ZBTB12: variants seen among roughly 807,000 people sequenced by gnomAD.
ZBTB12 encodes zinc finger and BTB domain containing 12, also known as zinc finger and BTB domain-containing protein 12.
ZBTB12 carries 1 observed loss-of-function variant against 6.4 expected under a neutral mutation model. The ratio of observed to expected loss-of-function variants is 0.16; its 90% CI spans 0.06 to 0.74. ZBTB12 has a LOEUF of 0.74. Among genes scored for constraint, ZBTB12 ranks in the 30% least tolerant of loss-of-function variants. The pLI, the probability that ZBTB12 is intolerant of heterozygous loss-of-function variation, is 0.78. For synonymous variants in ZBTB12, 273 were observed against 262.5 expected (o/e 1.04, Z -0.39); for missense variants, 344 against 613.9 (o/e 0.56, Z 4.65).
At position 31,901,850 on chromosome 6, in the gene ZBTB12, G is replaced by C. The variant is rs1284296957; in HGVS notation, c.-34C>G. On this transcript the variant is annotated 5_prime_UTR_variant, in exon 1 of 2. Coordinates refer to ENST00000375527, the MANE Select transcript of ZBTB12 (RefSeq NM_181842.3). ...CGCTCCTCTCACCTGGCCCGGTTCC[G>C]CGCGCTGTTTTTTTAATCCCTTATT... 6 of 147,692 alleles carry C rather than the reference G, an allele frequency of 4.1e-5. No individual in the cohort carries two copies. Among genetic ancestry groups the C allele is most frequent in the Non-Finnish European group, 1.5e-5 (1 of 66,810 alleles). 9.1% of individuals were successfully genotyped at this position (147,692 alleles called of 1,614,324 possible).
rs1301495133 is a variant in ZBTB12, at chr6:31,900,684, T to C, written c.622A>G (p.Ile208Val). The C allele has an allele frequency of 6.2e-7, 1 of 1,611,630 alleles. No individual in the cohort carries two copies. Among genetic ancestry groups the C allele is most frequent in the Non-Finnish European group, 8.5e-7 (1 of 1,179,342 alleles). The change falls in exon 2 of 2, where the codon ATC becomes GTC. Residue 208 changes from isoleucine to valine, a missense_variant. This residue lies in a region of ZBTB12 where 241 missense variants were observed against 315.4 expected (regional missense o/e 0.76). Transcript: ENST00000375527. The surrounding 1 kb of genome is among the most constrained non-coding windows in gnomAD (Gnocchi z 9.7). ...DEDEDEDVSD[I>V]CIVKVESALE... The stretch of plus-strand genomic sequence containing the variant: ...GCCGACTCCACCTTGACGATGCAGA[T>C]GTCAGACACGTCCTCATCCTCATCC...
At position 31,899,772 on chromosome 6, in the gene ZBTB12, A is replaced by C; in HGVS notation, c.*154T>G. On this transcript the variant is annotated 3_prime_UTR_variant, in exon 2 of 2. Transcript: ENST00000375527. ...TCTCAAGAGCAAGTCTCTCCAAGGA[A>C]TCATCTTCCCTCTCTCAGGATGTGT... is the stretch of plus-strand genomic sequence containing the variant. 26 of 761,588 alleles carry C rather than the reference A, an allele frequency of 3.4e-5. No homozygotes were observed. The highest frequency in any genetic ancestry group is 4.9e-5 in the Non-Finnish European group (24 of 485,518). 47.2% of individuals were successfully genotyped at this position (761,588 alleles called of 1,614,324 possible).
rs1362657365 is a variant in ZBTB12 at position 31,900,922 on chromosome 6, C to G, written c.384G>C (p.Glu128Asp). Residue 128 changes from glutamate (E) to aspartate (D), a missense_variant, in exon 2 of 2, where the codon GAG (glutamate) becomes GAC (aspartate). By Grantham distance (45) the Glu-to-Asp change is conservative (BLOSUM62 2). Around this residue, in one of 5 missense-constraint regions of ZBTB12, gnomAD observed 241 missense variants for 315.4 expected, o/e 0.76. Transcript: ENST00000375527. The surrounding 1 kb of genome is among the most constrained non-coding windows in gnomAD (Gnocchi z 9.7). Reference protein sequence around the residue: ...KCRNALSQFIEPKIGLKEDGV... With the variant: ...KCRNALSQFIDPKIGLKEDGV... ...CATCCTCTTTGAGGCCTATTTTGGG[C>G]TCAATGAACTGGCTGAGGGCATTCC... 6 of 1,614,202 alleles carry G rather than the reference C, an allele frequency of 3.7e-6. No homozygotes were observed. The highest frequency in any genetic ancestry group is 1.7e-5 in the Admixed American group (1 of 60,020).
rs1767064725 is a variant in ZBTB12, at chr6:31,899,872, C to T, written c.*54G>A. The T allele has an allele frequency of 3.4e-5, 51 of 1,505,550 alleles. No homozygotes were observed. Among genetic ancestry groups the T allele is most frequent in the Non-Finnish European group, 4.2e-5 (48 of 1,131,658 alleles). The allele number at this position is 1,505,550 out of a possible 1,614,324, so 93.3% of individuals were successfully genotyped here. ...CCCCAATTCTCCTGGGCCAAAGAGC[C>T]CTTTTTCCACGCAGCCCAGGGGCCC... On this transcript the variant is annotated 3_prime_UTR_variant, in exon 2 of 2. Transcript: ENST00000375527.
rs755332433 is a variant in ZBTB12, at chr6:31,901,192, C to T, written c.114G>A (p.Val38=). 6.2e-7 allele frequency: 1 copy of T among 1,613,482 alleles called. No individual in the cohort carries two copies. The highest frequency in any genetic ancestry group is 1.7e-5 in the Admixed American group (1 of 60,020). Reference sequence around the variant, plus strand: ...GGCCTCGAAACTTGAGGCTGTCGGCCACAATGGTCACGTCGCAGAACCGCT... The same window carrying T: ...GGCCTCGAAACTTGAGGCTGTCGGCTACAATGGTCACGTCGCAGAACCGCT... ...AEERFCDVTI[V]ADSLKFRGHK... The change falls in exon 2 of 2, where the codon GTG becomes GTA. Residue 38 remains valine (V), a synonymous_variant. Coordinates refer to ENST00000375527, the MANE Select transcript of ZBTB12 (RefSeq NM_181842.3).
chr6:31,900,388 C>A lies in ZBTB12; in HGVS notation c.918G>T (p.Gly306=). The A allele has an allele frequency of 6.5e-7, 1 of 1,544,714 alleles. No individual in the cohort carries two copies. The highest frequency in any genetic ancestry group is 8.7e-7 in the Non-Finnish European group (1 of 1,144,914). The part of the protein sequence containing the change: ...EAAAVAMAAR[G]AGGSLGAGGS... ...CCCCCGCCCCCAGGCTGCCCCCCGC[C>A]CCCCGGGCAGCCATGGCCACCGCTG... Residue 306 remains glycine, a synonymous_variant, in exon 2 of 2, where the codon GGG becomes GGT. Coordinates refer to ENST00000375527, the MANE Select transcript of ZBTB12 (RefSeq NM_181842.3). The surrounding 1 kb of genome is among the most constrained non-coding windows in gnomAD (Gnocchi z 9.7).
intron 1 of ZBTB12, 82 bp from the exon 2 acceptor site, chr6:31,901,407 GC>G: frequency 7.7e-7 from 1 of 1,293,168 alleles, no homozygotes; most frequent in Non-Finnish European, 1.0e-6. Context: ...CCCCATTCTT[GC>G]CCAGCCCCCC....
In ZBTB12 at chr6:31,900,142, C is replaced by T. The variant is rs1767088476; in HGVS notation, c.1164G>A (p.Ser388=). ...MNVHRGVKSH[S]CGICGKCFTQ... ...TGAAGCACTTGCCGCAGATGCCGCA[C>T]GAGTGTGACTTGACACCACGATGCA... Residue 388 remains serine, a synonymous_variant, in exon 2 of 2, where the codon TCG becomes TCA. Transcript: ENST00000375527. The surrounding 1 kb of genome is among the most constrained non-coding windows in gnomAD (Gnocchi z 9.7). 3 of 1,614,138 alleles carry T rather than the reference C, an allele frequency of 1.9e-6. No homozygotes were observed. The highest frequency in any genetic ancestry group is 1.3e-5 in the African/African-American group (1 of 75,058).
rs1399638643 is a variant in ZBTB12, at chr6:31,899,628, T to C, written c.*298A>G. 1.5e-5 allele frequency: 5 copies of C among 341,324 alleles called. No individual in the cohort carries two copies. Among genetic ancestry groups the C allele is most frequent in the Non-Finnish European group, 2.7e-5 (5 of 187,470 alleles). The allele number at this position is 341,324 out of a possible 1,614,324, so 21.1% of individuals were successfully genotyped here. On this transcript the variant is annotated 3_prime_UTR_variant, in exon 2 of 2. Transcript: ENST00000375527. ...AACATTTTTGTCTTCCCTCATTCTA[T>C]AGGACCCTTTTCCCTCCCTCCACAT...
chr6:31,901,668 C>T (rs895072482), intron 1 of ZBTB12, among the ~76,000 whole-genome samples, 169 bp downstream of exon 1: 2 of 151,370 alleles, frequency 1.3e-5, no homozygotes. Context: ...TCTCACCCCG[C>T]CCCCTTTACC....
At position 31,899,744 on chromosome 6, in the gene ZBTB12, C is replaced by T. The variant is rs1581989134; in HGVS notation, c.*182G>A. On this transcript the variant is annotated 3_prime_UTR_variant, in exon 2 of 2. Coordinates refer to ENST00000375527, the MANE Select transcript of ZBTB12 (RefSeq NM_181842.3). The stretch of plus-strand genomic sequence containing the variant: ...CCCTTTTCCCAGCTCCAGATTCTTG[C>T]ACTCTCAAGAGCAAGTCTCTCCAAG... The T allele has an allele frequency of 1.5e-6, 1 of 651,272 alleles. No individual in the cohort carries two copies. The highest frequency in any genetic ancestry group is 2.5e-6 in the Non-Finnish European group (1 of 396,074). The allele number at this position is 651,272 out of a possible 1,614,324, so 40.3% of individuals were successfully genotyped here. A position where few individuals can be genotyped will look rare whatever the true frequency, so the allele number is the denominator to read the frequency against.
In ZBTB12 at chr6:31,901,237, C is replaced by G. The variant is rs747092412; in HGVS notation, c.69G>C (p.Met23Ile). 4 of 1,613,442 alleles carry G rather than the reference C, an allele frequency of 2.5e-6. No homozygotes were observed. In the Admixed American group the frequency reaches 6.7e-5, roughly 27 times the overall value. ...ACCGCTCCTCTGCCCGGAGCTGGTTCATGTTCCGTAGCGTTGCGGCCTCGT... is the reference window on the plus strand; with the variant it reads ...ACCGCTCCTCTGCCCGGAGCTGGTTGATGTTCCGTAGCGTTGCGGCCTCGT... ...PGHEAATLRNMNQLRAEERFC... is the reference protein window; with the variant it reads ...PGHEAATLRNINQLRAEERFC... Residue 23 changes from methionine (M) to isoleucine (I), a missense_variant, in exon 2 of 2, where the codon ATG becomes ATC. Met to Ile is a conservative substitution (Grantham distance 10). Transcript: ENST00000375527.
In ZBTB12 at chr6:31,900,783, G is replaced by C. The variant is rs1274597285; in HGVS notation, c.523C>G (p.Pro175Ala). 3.1e-6 allele frequency: 5 copies of C among 1,591,010 alleles called. No homozygotes were observed. Among genetic ancestry groups the C allele is most frequent in the Non-Finnish European group, 4.3e-6 (5 of 1,166,808 alleles). The change falls in exon 2 of 2, where the codon CCA becomes GCA. Residue 175 changes from proline (P) to alanine (A), a missense_variant. By Grantham distance (27) the Pro-to-Ala change is conservative. Around this residue, in one of 5 missense-constraint regions of ZBTB12, gnomAD observed 241 missense variants for 315.4 expected, o/e 0.76. Coordinates refer to ENST00000375527, the MANE Select transcript of ZBTB12 (RefSeq NM_181842.3). This position sits in a 1 kb window ranked among gnomAD's most constrained non-coding sequence, Gnocchi z 9.7. Reference sequence around the variant, plus strand: ...TCCAGCTTCACTGGCCGCAGGAGTGGAGGGGGTAGAGGAGGTGGGGGTGGG... The same window carrying C: ...TCCAGCTTCACTGGCCGCAGGAGTGCAGGGGGTAGAGGAGGTGGGGGTGGG... ...KPPPPPPLPP[P>A]LLRPVKLEFP...
intron 1 of ZBTB12, 38 bp from the exon 2 acceptor site, chr6:31,901,363 T>C: frequency 3.9e-6 from 6 of 1,529,422 alleles, no homozygotes; most frequent in Non-Finnish European, 5.3e-6. Flanking sequence ...CAAAGGTCTC[T>C]GGCTCTCCGA....
chr6:31,899,733 CCA>C lies in ZBTB12; in HGVS notation c.*191_*192del. ...GCCTCCAAGAACCCTTTTCCCAGCTCCAGATTCTTGCACTCTCAAGAGCAAGT... is the reference window on the plus strand; with the variant it reads ...GCCTCCAAGAACCCTTTTCCCAGCTCGATTCTTGCACTCTCAAGAGCAAGT... On this transcript the variant is annotated 3_prime_UTR_variant, in exon 2 of 2. Transcript: ENST00000375527. The C allele has an allele frequency of 1.6e-6, 1 of 617,014 alleles. No homozygotes were observed. Among genetic ancestry groups the C allele is most frequent in the South Asian group, 2.5e-5 (1 of 40,008 alleles). 38.2% of individuals were successfully genotyped at this position (617,014 alleles called of 1,614,324 possible). A position where few individuals can be genotyped will look rare whatever the true frequency, so the allele number is the denominator to read the frequency against.
In ZBTB12 at chr6:31,900,142, C is replaced by G; in HGVS notation, c.1164G>C (p.Ser388=). Residue 388 remains serine (S), a synonymous_variant, in exon 2 of 2, where the codon TCG becomes TCC. Transcript: ENST00000375527. This position sits in a 1 kb window ranked among gnomAD's most constrained non-coding sequence, Gnocchi z 9.7. ...MNVHRGVKSH[S]CGICGKCFTQ... is the part of the protein sequence containing the mutation. ...TGAAGCACTTGCCGCAGATGCCGCACGAGTGTGACTTGACACCACGATGCA... is the reference window on the plus strand; with the variant it reads ...TGAAGCACTTGCCGCAGATGCCGCAGGAGTGTGACTTGACACCACGATGCA... 6.2e-7 allele frequency: 1 copy of G among 1,614,138 alleles called. No individual in the cohort carries two copies. Among genetic ancestry groups the G allele is most frequent in the Non-Finnish European group, 8.5e-7 (1 of 1,179,980 alleles).
chr6:31,900,940 G>A lies in ZBTB12; in HGVS notation c.366C>T (p.Ala122=). The A allele has an allele frequency of 1.2e-6, 2 of 1,614,190 alleles. No homozygotes were observed. Among genetic ancestry groups the A allele is most frequent in the East Asian group, 2.2e-5 (1 of 44,892 alleles). The change falls in exon 2 of 2, where the codon GCC becomes GCT. Residue 122 remains alanine, a synonymous_variant. Transcript: ENST00000375527. This position sits in a 1 kb window ranked among gnomAD's most constrained non-coding sequence, Gnocchi z 9.7. ...TTTTGGGCTCAATGAACTGGCTGAG[G>A]GCATTCCGGCATTTCTCCACCACGT... ...MEHVVEKCRN[A]LSQFIEPKIG... is the part of the protein sequence containing the mutation.
rs45462992 is a variant in ZBTB12, at chr6:31,901,345, G to A, written c.-20-20C>T. ...GCAACCCTGGTTGGGAAGGAAACCG[G>A]TCAGAGACAAAGGTCTCTGGCTCTC... On this transcript the variant is annotated intron_variant, in intron 1 of 1. Coordinates refer to ENST00000375527, the MANE Select transcript of ZBTB12 (RefSeq NM_181842.3). 37,896 of 1,574,808 alleles carry A rather than the reference G, an allele frequency of 0.024. 606 individuals carry two copies. Among genetic ancestry groups the A allele is most frequent in the Non-Finnish European group, 0.03 (34,622 of 1,158,642 alleles).
In ZBTB12 at chr6:31,900,474, G is replaced by C; in HGVS notation, c.832C>G (p.Leu278Val). 1 of 1,601,938 alleles carries C rather than the reference G, an allele frequency of 6.2e-7. No homozygotes were observed. The highest frequency in any genetic ancestry group is 1.3e-5 in the African/African-American group (1 of 74,734). Residue 278 changes from leucine (L) to valine (V), a missense_variant, in exon 2 of 2, where the codon CTG becomes GTG. By Grantham distance (32) the Leu-to-Val change is conservative (BLOSUM62 1). This residue lies in a region of ZBTB12 where 241 missense variants were observed against 315.4 expected (regional missense o/e 0.76). Coordinates refer to ENST00000375527, the MANE Select transcript of ZBTB12 (RefSeq NM_181842.3). The surrounding 1 kb of genome is among the most constrained non-coding windows in gnomAD (Gnocchi z 9.7). ...GCCCGGCCTCCGGGAATCAACAGCAGGCCCTCCCCTTCTGCATCTTCCGAC... is the reference window on the plus strand; with the variant it reads ...GCCCGGCCTCCGGGAATCAACAGCACGCCCTCCCCTTCTGCATCTTCCGAC... Reference protein sequence around the residue: ...SLSEDAEGEGLLLIPGGRASV... With the variant: ...SLSEDAEGEGVLLIPGGRASV...
Sources: allele counts gnomAD v4.1 joint callset (sites outside exome capture counted in the v4.1 genomes callset), GRCh38; gene constraint gnomAD v4.1.1; regional missense constraint gnomAD v4.1.1; non-coding constraint Gnocchi (gnomAD v3.1); transcripts MANE v1.5; gene names NCBI Gene and HGNC (gene_info 2026-07-23, HGNC 2026-07-21).